The following MFSD11 variants were observed in gnomAD, a reference collection of about 807,000 sequenced individuals.
The protein encoded by MFSD11 is UNC93-like protein MFSD11.
In MFSD11, 36 loss-of-function variants were observed where a neutral mutation model predicts 53.5. The ratio of observed to expected loss-of-function variants is 0.67; its 90% CI spans 0.52 to 0.89. The LOEUF (loss-of-function observed/expected upper bound fraction) is 0.89. Ranked by LOEUF, MFSD11 falls within the 40% of genes least tolerant of loss-of-function variation. The pLI is 0.00. For missense variants in MFSD11, 530 were observed against 543.9 expected (o/e 0.97, Z 0.25); for synonymous variants, 186 against 184.9 (o/e 1.01, Z -0.05).
rs1288132610 is a variant in MFSD11 at position 76,738,937 on chromosome 17, G to GC, written c.97dup (p.Gln33ProfsTer9). 5.0e-6 allele frequency: 8 copies of GC among 1,613,638 alleles called. No homozygotes were observed. Among genetic ancestry groups the GC allele is most frequent in the Non-Finnish European group, 6.8e-6 (8 of 1,179,546 alleles). On this transcript the variant is annotated frameshift_variant and splice_region_variant. Transcript: ENST00000685175. LOFTEE classifies it high-confidence loss of function. ...GTTGATTAGTTTTATCTTCCACACA[G>GC]CAAACTGTCATCAGGAGCTTAAATA... is the stretch of plus-strand genomic sequence containing the variant.
intron 7 of MFSD11, 58 bp from the exon 8 acceptor site, chr17:76,753,989 T>G: frequency 1.4e-6 from 2 of 1,399,302 alleles, no homozygotes; most frequent in Non-Finnish European, 2.0e-6. Context: ...TGTGATCGTA[T>G]GTTTGTTCTT....
rs991760564 is a variant in MFSD11, at chr17:76,738,121, G to T, written c.-232G>T. On this transcript the variant is annotated 5_prime_UTR_variant, in exon 1 of 13. Transcript: ENST00000685175. ...TTCTTGGCGCTTCTCCGGGGGTTGT[G>T]CTCTTCCGTACTCGGATCGCTTCTT... 8 of 530,540 alleles carry T rather than the reference G, an allele frequency of 1.5e-5. No homozygotes were observed. The highest frequency in any genetic ancestry group is 3.6e-5 in the Admixed American group (1 of 27,810). 32.9% of individuals were successfully genotyped at this position (530,540 alleles called of 1,614,324 possible). A position where few individuals can be genotyped will look rare whatever the true frequency, so the allele number is the denominator to read the frequency against.
intron 5 of MFSD11, among the ~76,000 whole-genome samples, chr17:76,742,871 C>T (rs889977855): frequency 6.6e-6 from 1 of 152,180 alleles, no homozygotes; most frequent in African/African-American, 2.4e-5. Flanking sequence ...TCTGGAATCT[C>T]TTCTGAGGAA....
chr17:76,786,223 C>T (rs2082272667), downstream of MFSD11, among the ~76,000 whole-genome samples: 1 of 148,536 alleles, frequency 6.7e-6, no homozygotes, highest in African/African-American at 2.5e-5. Flanking sequence ...CGGCTCACTG[C>T]AACCTCTGCC....
At chr17:76,760,723 G>A (rs1308868840) in intron 8 of MFSD11, among the ~76,000 whole-genome samples, 1 of 151,902 alleles carries the variant, frequency 6.6e-6, no homozygotes, top group Non-Finnish European at 1.5e-5. Context: ...TAGAAGTGGG[G>A]TTTTGTTATG....
chr17:76,795,011 CA>C, the MFSD11 span, among the ~76,000 whole-genome samples: 1 of 151,742 alleles, frequency 6.6e-6, no homozygotes, highest in Non-Finnish European at 1.5e-5. Context: ...TACTCTTAAC[CA>C]CAGTCAGTCC....
At chr17:76,742,396 G>A in intron 5 of MFSD11, 123 bp downstream of exon 5, 1 of 760,948 alleles carries the variant, frequency 1.3e-6, no homozygotes. Flanking sequence ...CTAGCTAAAT[G>A]TGACGTGATT....
chr17:76,764,519 C>T (rs1020362263), intron 8 of MFSD11, among the ~76,000 whole-genome samples: 1 of 152,190 alleles, frequency 6.6e-6, no homozygotes, highest in Non-Finnish European at 1.5e-5. Context: ...CTTTCTGTGT[C>T]TGGCTTATTT....
the MFSD11 span, among the ~76,000 whole-genome samples, chr17:76,792,678 G>A: frequency 6.6e-6 from 1 of 151,336 alleles, no homozygotes; most frequent in South Asian, 2.1e-4. Context: ...GAGGTTGCAG[G>A]TGCAATTAAG....
At chr17:76,784,325 A>G (rs1026110858), downstream of MFSD11, among the ~76,000 whole-genome samples, 1 of 151,388 alleles carries the variant, frequency 6.6e-6, no homozygotes, top group Admixed American at 6.6e-5. Context: ...CATGAGGTCA[A>G]GAGATCGAGA....
intron 7 of MFSD11, among the ~76,000 whole-genome samples, chr17:76,749,700 G>T (rs1469917395): frequency 6.6e-6 from 1 of 152,016 alleles, no homozygotes; most frequent in Non-Finnish European, 1.5e-5. Flanking sequence ...GACCATCCTG[G>T]CCAACATGGT....
the MFSD11 span, among the ~76,000 whole-genome samples, chr17:76,794,697 T>TGG: frequency 1.2e-3 from 5 of 4,058 alleles, no homozygotes; most frequent in African/African-American, 2.1e-3. Flanking sequence ...TTTTTTTTTT[T>TGG]TTTTTTTTGT....
rs1274759631 is a variant in MFSD11 at position 76,739,066 on chromosome 17, A to G, written c.152+73A>G. 1.0e-5 allele frequency: 12 copies of G among 1,160,282 alleles called. No individual in the cohort carries two copies. In the East Asian group the frequency reaches 2.3e-4, roughly 23 times the overall value. The allele number at this position is 1,160,282 out of a possible 1,614,324, so 71.9% of individuals were successfully genotyped here. ...TTAAATCTCATCAGAATCACCAGCA[A>G]TAGAATATTGTGATTGAATAAGTGG... On this transcript the variant is annotated intron_variant, in intron 2 of 12. Coordinates refer to ENST00000685175, the MANE Select transcript of MFSD11 (RefSeq NM_001242532.5).
At chr17:76,753,442 G>A (rs936945161) in intron 7 of MFSD11, among the ~76,000 whole-genome samples, 3 of 152,174 alleles carry the variant, frequency 2.0e-5, no homozygotes, top group East Asian at 1.9e-4. Flanking sequence ...GGATGCTGAG[G>A]CAGGTGGATC....
At chr17:76,759,188 A>G (rs553903381) in intron 8 of MFSD11, among the ~76,000 whole-genome samples, 1 of 152,286 alleles carries the variant, frequency 6.6e-6, no homozygotes, top group South Asian at 2.1e-4. Flanking sequence ...TGGGAGATTG[A>G]GGCTGCAGAG....
intron 3 of MFSD11, among the ~76,000 whole-genome samples, chr17:76,741,551 T>C (rs888960313): frequency 2.0e-5 from 3 of 152,110 alleles, no homozygotes; most frequent in African/African-American, 7.2e-5. Flanking sequence ...GAGGTATTGC[T>C]TGAGCCAAGG....
the MFSD11 span, among the ~76,000 whole-genome samples, chr17:76,802,940 G>A: frequency 6.6e-6 from 1 of 151,934 alleles, no homozygotes; most frequent in Non-Finnish European, 1.5e-5. Flanking sequence ...AACCCAAAGC[G>A]AGGCCAGGAG....
rs569866689 is a variant in MFSD11 at position 76,760,145 on chromosome 17, A to G, written c.682+6058A>G. On this transcript the variant is annotated intron_variant, in intron 8 of 12. Coordinates refer to ENST00000685175, the MANE Select transcript of MFSD11 (RefSeq NM_001242532.5). ...TAGCCAGGCGTGGTGGCTGGCGCCT[A>G]TAATCCCAGCTCCTCGGGAGGCTGA... is the stretch of plus-strand genomic sequence containing the variant. Among the ~76,000 whole-genome samples, 120 of 150,986 alleles carry G rather than the reference A, an allele frequency of 7.9e-4. No homozygotes were observed. The South Asian group carries it at 0.013, about 16-fold the overall frequency.
At chr17:76,773,800 G>T (rs748115983) in intron 10 of MFSD11, among the ~76,000 whole-genome samples, 1 of 152,096 alleles carries the variant, frequency 6.6e-6, no homozygotes, top group African/African-American at 2.4e-5. Context: ...TAGAGACAGG[G>T]TTTCACCATG....
Sources: gnomAD v4.1 joint callset for allele counts (sites outside exome capture counted in the v4.1 genomes callset) on GRCh38, gnomAD v4.1.1 for gene constraint, MANE v1.5 for transcripts, NCBI Gene and HGNC (gene_info 2026-07-23, HGNC 2026-07-21) for gene names.